The following LRIG2 variants were observed in gnomAD, a reference collection of about 807,000 sequenced individuals.
The protein encoded by LRIG2 is leucine-rich repeats and immunoglobulin-like domains protein 2.
A neutral mutation model predicts 107.8 loss-of-function variants in LRIG2; 93 were observed. The ratio of observed to expected loss-of-function variants is 0.86; its 90% CI spans 0.73 to 1.03. The LOEUF is 1.03. Ranked by LOEUF, LRIG2 falls within the 50% of genes least tolerant of loss-of-function variation. LRIG2 has a pLI of 0.00. For synonymous variants in LRIG2, 471 were observed against 470.6 expected, an observed-to-expected ratio of 1.00 and a Z score of -0.01; for missense variants, 1,226 against 1,296.0, an observed-to-expected ratio of 0.95 and a Z score of 0.83.
chr1:113,073,935 G>C (rs1221381029), intron 1 of LRIG2, among the ~76,000 whole-genome samples: 1 of 142,114 alleles, frequency 7.0e-6, no homozygotes, highest in Non-Finnish European at 1.5e-5. Flanking sequence ...TTAATGGTAA[G>C]GACTCACGGG....
intron 17 of LRIG2, among the ~76,000 whole-genome samples, chr1:113,119,919 C>T (rs536220401): frequency 4.6e-5 from 7 of 152,200 alleles, no homozygotes; most frequent in Non-Finnish European, 8.8e-5. Flanking sequence ...AAGCAATTCT[C>T]ATGCCTCAGC....
intron 17 of LRIG2, 114 bp from the exon 18 acceptor site, chr1:113,123,761 G>GTGTGTGTGT: frequency 1.5e-6 from 1 of 678,262 alleles, no homozygotes; most frequent in Non-Finnish European, 2.6e-6. Context: ...GTGTGTGTGT[G>GTGTGTGTGT]ATTTCAGTGT....
At chr1:113,120,875 G>C (rs1010346877) in intron 17 of LRIG2, among the ~76,000 whole-genome samples, 6 of 148,212 alleles carry the variant, frequency 4.0e-5, no homozygotes, top group Admixed American at 1.4e-4. Flanking sequence ...CTGGAGTCCA[G>C]TGGCGTGATC....
At chr1:113,113,436 C>T (rs963188140) in intron 14 of LRIG2, among the ~76,000 whole-genome samples, 6 of 150,316 alleles carry the variant, frequency 4.0e-5, no homozygotes, top group African/African-American at 7.3e-5. Flanking sequence ...CTTTCCAGTT[C>T]TCTATTTTCC....
chr1:113,088,153 A>G (rs1223789048), intron 1 of LRIG2, among the ~76,000 whole-genome samples: 3 of 152,270 alleles, frequency 2.0e-5, no homozygotes, highest in East Asian at 1.9e-4. Flanking sequence ...ATCTTAATAA[A>G]TGTGGGTTTG....
intron 17 of LRIG2, among the ~76,000 whole-genome samples, chr1:113,122,005 A>G (rs1655277964): frequency 6.7e-6 from 1 of 149,872 alleles, no homozygotes. Context: ...TGCATTTACT[A>G]CTTCATGTCC....
chr1:113,118,807 G>A (rs1350907604), intron 16 of LRIG2, among the ~76,000 whole-genome samples: 3 of 152,204 alleles, frequency 2.0e-5, no homozygotes, highest in East Asian at 1.9e-4. Flanking sequence ...TGGGACTACC[G>A]GTGCACGCCA....
At chr1:113,076,151 T>C (rs1263598608) in intron 1 of LRIG2, among the ~76,000 whole-genome samples, 1 of 151,680 alleles carries the variant, frequency 6.6e-6, no homozygotes, top group African/African-American at 2.4e-5. Context: ...GATTACAGAC[T>C]TGAGCCAGTA....
chr1:113,121,198 T>A (rs749773216), intron 17 of LRIG2, among the ~76,000 whole-genome samples: 1 of 152,226 alleles, frequency 6.6e-6, no homozygotes, highest in Non-Finnish European at 1.5e-5. Flanking sequence ...GGTGTTTTTT[T>A]CTATGAGGTA....
chr1:113,095,050 T>C (rs571285307), intron 6 of LRIG2, among the ~76,000 whole-genome samples: 211 of 151,618 alleles, frequency 1.4e-3, no homozygotes, highest in African/African-American at 4.9e-3. Context: ...TCTCAGCTCC[T>C]GCAACCTCTG....
At position 113,114,535 on chromosome 1, in the gene LRIG2, C is replaced by T; in HGVS notation, c.2189C>T (p.Thr730Ile). ...AGTCCTGCCCCTCGTCTCAACTGGA[C>T]TAAAGATGATGGGCCTTTGCTGGTG... is the stretch of plus-strand genomic sequence containing the variant. ...GGSPAPRLNW[T>I]KDDGPLLVTE... is the part of the protein sequence containing the mutation. The change falls in exon 15 of 18, where the codon ACT becomes ATT. Residue 730 changes from threonine to isoleucine, a missense_variant. By Grantham distance (89) the Thr-to-Ile change is moderately conservative (BLOSUM62 -1). Coordinates refer to ENST00000361127, the MANE Select transcript of LRIG2 (RefSeq NM_014813.3). The T allele has an allele frequency of 1.2e-6, 2 of 1,614,036 alleles. No homozygotes were observed. The highest frequency in any genetic ancestry group is 2.2e-5 in the South Asian group (2 of 91,084).
chr1:113,110,702 A>C, intron 13 of LRIG2, 140 bp downstream of exon 13: 2 of 695,918 alleles, frequency 2.9e-6, no homozygotes, highest in South Asian at 3.9e-5. Flanking sequence ...GTGATAACTT[A>C]TCAAGTGGGT....
chr1:113,132,135 G>T lies in LRIG2; in HGVS notation c.*8034G>T, dbSNP rs774893643. Reference sequence around the variant, plus strand: ...GAGATACAAGCCAAGTCATTGTTCAGTGTAGTCATTTCTTAGTATCTGTTT... The same window carrying T: ...GAGATACAAGCCAAGTCATTGTTCATTGTAGTCATTTCTTAGTATCTGTTT... On this transcript the variant is annotated 3_prime_UTR_variant, in exon 18 of 18. Coordinates refer to ENST00000361127, the MANE Select transcript of LRIG2 (RefSeq NM_014813.3). 6.6e-6 allele frequency: 1 copy of T among 151,460 alleles called. No individual in the cohort carries two copies. The highest frequency in any genetic ancestry group is 1.5e-5 in the Non-Finnish European group (1 of 67,964). The allele number at this position is 151,460 out of a possible 1,614,324, so 9.4% of individuals were successfully genotyped here. A position where few individuals can be genotyped will look rare whatever the true frequency, so the allele number is the denominator to read the frequency against.
intron 12 of LRIG2, among the ~76,000 whole-genome samples, chr1:113,108,265 C>T (rs1365405406): frequency 6.6e-6 from 1 of 150,802 alleles, no homozygotes; most frequent in African/African-American, 2.4e-5. Context: ...GCTGCGTCAC[C>T]CAGGCTGGAG....
At position 113,110,555 on chromosome 1, in the gene LRIG2, T is replaced by C. The variant is rs1474251955; in HGVS notation, c.1791T>C (p.Thr597=). 6.2e-7 allele frequency: 1 copy of C among 1,600,520 alleles called. No homozygotes were observed. ...ATTATTCTCAGAAAGCCAAACTGAC[T>C]GTAAATGGTAAGGAATTATGCTCCT... ...GSNYSQKAKL[T]VNEMPSFLKT... The change falls in exon 13 of 18, where the codon ACT becomes ACC. Residue 597 remains threonine (T), a synonymous_variant. Coordinates refer to ENST00000361127, the MANE Select transcript of LRIG2 (RefSeq NM_014813.3).
At position 113,094,639 on chromosome 1, in the gene LRIG2, T is replaced by C. The variant is rs1653969619; in HGVS notation, c.687T>C (p.Ile229=). The C allele has an allele frequency of 6.2e-7, 1 of 1,613,056 alleles. No homozygotes were observed. The highest frequency in any genetic ancestry group is 8.5e-7 in the Non-Finnish European group (1 of 1,179,554). ...AACTTAAAAGAAACAGAATTAAAAT[T>C]GTGGAAGGTCTTACATTCCAAGGGC... ...FLELKRNRIK[I]VEGLTFQGLD... The change falls in exon 6 of 18, where the codon ATT becomes ATC. Residue 229 remains isoleucine (I), a synonymous_variant. Coordinates refer to ENST00000361127, the MANE Select transcript of LRIG2 (RefSeq NM_014813.3).
chr1:113,113,393 T>C (rs1386159469), intron 14 of LRIG2, among the ~76,000 whole-genome samples: 2 of 151,612 alleles, frequency 1.3e-5, no homozygotes, highest in African/African-American at 4.8e-5. Flanking sequence ...ACAATACTTT[T>C]CTTCGTGGAA....
chr1:113,078,059 A>G (rs992150526), intron 1 of LRIG2, among the ~76,000 whole-genome samples: 1 of 151,992 alleles, frequency 6.6e-6, no homozygotes, highest in Non-Finnish European at 1.5e-5. Flanking sequence ...TTCAAAGGAT[A>G]TGAACTCACC....
chr1:113,098,941 G>A (rs921488783), intron 9 of LRIG2, among the ~76,000 whole-genome samples, 156 bp downstream of exon 9: 12 of 151,858 alleles, frequency 7.9e-5, no homozygotes, highest in South Asian at 2.1e-4. Flanking sequence ...TTGTTTGTTC[G>A]TTTTTTTGAG....
Sources: allele counts gnomAD v4.1 joint callset (sites outside exome capture counted in the v4.1 genomes callset), GRCh38; gene constraint gnomAD v4.1.1; transcripts MANE v1.5; gene names NCBI Gene and HGNC (gene_info 2026-07-23, HGNC 2026-07-21).